The following CHST7 variants were observed in gnomAD, a reference collection of about 807,000 sequenced individuals.
The protein encoded by CHST7 is N-acetylglucosamine 6-O-sulfotransferase 4.
A neutral mutation model predicts 9.0 loss-of-function variants in CHST7; 5 were observed. The ratio of observed to expected loss-of-function variants is 0.56; its 90% CI spans 0.29 to 1.17. The LOEUF is 1.17. Ranked by LOEUF, CHST7 falls within the 50% of genes most tolerant of loss-of-function variation. CHST7 has a pLI of 0.08. For synonymous variants in CHST7, 244 were observed against 237.1 expected (o/e 1.03, Z -0.27); for missense variants, 377 against 485.1 (o/e 0.78, Z 2.09).
Position 46,575,439 on chromosome X carries a change from G to T in CHST7, c.*31+16G>T. On this transcript the variant is annotated intron_variant, in intron 1 of 1. Transcript: ENST00000276055. Reference sequence around the variant, plus strand: ...ACGGATCCGGGTAAGGTGGCCCGGGGCAAGGCAGGGACCGGGACTGGTCTT... The same window carrying T: ...ACGGATCCGGGTAAGGTGGCCCGGGTCAAGGCAGGGACCGGGACTGGTCTT... 9.9e-7 allele frequency: 1 copy of T among 1,008,397 alleles called. No homozygotes were observed. Among genetic ancestry groups the T allele is most frequent in the Non-Finnish European group, 1.3e-6 (1 of 798,333 alleles). 83.1% of individuals were successfully genotyped at this position (1,008,397 alleles called of 1,213,427 possible).
intron 1 of CHST7, among the ~76,000 whole-genome samples, chrX:46,576,300 C>A (rs1942499377): frequency 9.0e-6 from 1 of 110,569 alleles, no homozygotes; most frequent in East Asian, 2.8e-4. Context: ...TCAGCTTCCT[C>A]TAGTGTCGAC....
At chrX:46,595,415 A>G (rs1414537839) in intron 1 of CHST7, among the ~76,000 whole-genome samples, 1 of 112,556 alleles carries the variant, frequency 8.9e-6, no homozygotes, top group Admixed American at 9.4e-5. Context: ...AGAAAGGGGC[A>G]CATCACCTGG....
intron 1 of CHST7, among the ~76,000 whole-genome samples, chrX:46,578,898 AT>A (rs1942512431): frequency 9.0e-6 from 1 of 111,235 alleles, no homozygotes; most frequent in Non-Finnish European, 1.9e-5. Context: ...TGAACATTAC[AT>A]TTACATGAGG....
intron 1 of CHST7, among the ~76,000 whole-genome samples, chrX:46,587,487 G>A (rs986333382): frequency 5.4e-5 from 6 of 111,867 alleles, no homozygotes; most frequent in African/African-American, 1.9e-4. Context: ...CTAGCACCCC[G>A]TGCCACTGCC....
chrX:46,596,946 CAAA>C lies in CHST7; in HGVS notation c.*32-799_*32-797del, dbSNP rs55742299. On this transcript the variant is annotated intron_variant, in intron 1 of 1. Transcript: ENST00000276055. ...TGGGCAACAGAGTGAGACTCTGTCT[CAAA>C]AAAAAAAAAAAAAATTATAGAAAGG... Among the ~76,000 whole-genome samples, 544 of 86,875 alleles carry C rather than the reference CAAA, an allele frequency of 6.3e-3. 4 individuals are homozygous for C. The highest frequency in any genetic ancestry group is 0.041 in the South Asian group (73 of 1,801). 75.4% of individuals were successfully genotyped at this position (86,875 alleles called of 115,157 possible).
At chrX:46,589,242 G>A (rs918229474) in intron 1 of CHST7, among the ~76,000 whole-genome samples, 4 of 110,998 alleles carry the variant, frequency 3.6e-5, no homozygotes, top group African/African-American at 6.6e-5. Flanking sequence ...AGAAGAGTTG[G>A]GATCCGGATT....
chrX:46,595,962 A>C (rs769831983), intron 1 of CHST7, among the ~76,000 whole-genome samples: 22 of 109,938 alleles, frequency 2.0e-4, no homozygotes, highest in Non-Finnish European at 4.0e-4. Context: ...ACATGGTGAA[A>C]CCCTGTCTCT....
intron 1 of CHST7, among the ~76,000 whole-genome samples, chrX:46,576,488 G>A (rs1297108677): frequency 9.0e-6 from 1 of 111,495 alleles, no homozygotes; most frequent in Non-Finnish European, 1.9e-5. Context: ...ATGCTAAAGT[G>A]GGGCTTAAAC....
chrX:46,589,412 T>C (rs1942563616), intron 1 of CHST7, among the ~76,000 whole-genome samples: 1 of 110,265 alleles, frequency 9.1e-6, no homozygotes, highest in African/African-American at 3.3e-5. Flanking sequence ...TAGCCAGGTG[T>C]GGTGGCAGGC....
At chrX:46,586,982 G>A (rs1386896802) in intron 1 of CHST7, among the ~76,000 whole-genome samples, 2 of 110,895 alleles carry the variant, frequency 1.8e-5, no homozygotes, top group South Asian at 7.7e-4. Context: ...TGATCCACCC[G>A]CCTCGGCCTC....
intron 1 of CHST7, among the ~76,000 whole-genome samples, chrX:46,581,911 A>T (rs1197242494): frequency 8.9e-6 from 1 of 111,980 alleles, no homozygotes; most frequent in Non-Finnish European, 1.9e-5. Flanking sequence ...AGAATTTAAC[A>T]GGATAGAAGT....
chrX:46,582,339 G>A (rs1472999738), intron 1 of CHST7, among the ~76,000 whole-genome samples: 2 of 112,183 alleles, frequency 1.8e-5, no homozygotes, highest in Non-Finnish European at 3.8e-5. Flanking sequence ...ATTTTGAGAG[G>A]TAATGTTCTT....
chrX:46,574,186 C>G lies in CHST7; in HGVS notation c.255C>G (p.Phe85Leu). ...GGGGCGCGAACCAGTCTCCTCGGTT[C>G]CCAAGCAACCTCAGCGGCGCTGTCG... is the stretch of plus-strand genomic sequence containing the variant. ...EEGGANQSPR[F>L]PSNLSGAVGE... Residue 85 changes from phenylalanine to leucine, a missense_variant, in exon 1 of 2, where the codon TTC (phenylalanine) becomes TTG (leucine). By Grantham distance (22) the Phe-to-Leu change is conservative. Coordinates refer to ENST00000276055, the MANE Select transcript of CHST7 (RefSeq NM_019886.4). 8.4e-7 allele frequency: 1 copy of G among 1,196,106 alleles called. No individual in the cohort carries two copies. The highest frequency in any genetic ancestry group is 1.1e-6 in the Non-Finnish European group (1 of 886,478).
intron 1 of CHST7, among the ~76,000 whole-genome samples, chrX:46,597,115 G>GA (rs764472771): frequency 7.8e-4 from 87 of 111,420 alleles, no homozygotes; most frequent in Middle Eastern, 4.2e-3. Context: ...CACTCCATTA[G>GA]AAAATGTCAA....
At chrX:46,590,617 T>C (rs1942569258) in intron 1 of CHST7, among the ~76,000 whole-genome samples, 1 of 111,944 alleles carries the variant, frequency 8.9e-6, no homozygotes, top group African/African-American at 3.3e-5. Flanking sequence ...AGGAACACCT[T>C]ATATGTAGAT....
intron 1 of CHST7, among the ~76,000 whole-genome samples, chrX:46,585,295 C>CTTTTT (rs367597052): frequency 1.7e-4 from 4 of 23,308 alleles, no homozygotes; most frequent in Non-Finnish European, 2.5e-4. Flanking sequence ...CTTTTCTTTT[C>CTTTTT]TTTTTTTTTT....
intron 1 of CHST7, among the ~76,000 whole-genome samples, chrX:46,580,496 G>A (rs902692219): frequency 8.9e-6 from 1 of 111,966 alleles, no homozygotes; most frequent in African/African-American, 3.2e-5. Context: ...GTGTGTGTGC[G>A]CATGTGTGTG....
intron 1 of CHST7, among the ~76,000 whole-genome samples, chrX:46,581,896 A>G (rs1342246104): frequency 7.2e-5 from 8 of 111,878 alleles, no homozygotes; most frequent in Non-Finnish European, 1.3e-4. Context: ...CGCCCGGTCA[A>G]AAATAGAATT....
intron 1 of CHST7, among the ~76,000 whole-genome samples, chrX:46,583,798 G>A (rs1334751127): frequency 9.0e-6 from 1 of 111,470 alleles, no homozygotes; most frequent in Non-Finnish European, 1.9e-5. Flanking sequence ...TGTAGTCACC[G>A]TACTCTGCTA....
Sources: allele counts gnomAD v4.1 joint callset (sites outside exome capture counted in the v4.1 genomes callset), GRCh38; gene constraint gnomAD v4.1.1; transcripts MANE v1.5; gene names NCBI Gene and HGNC (gene_info 2026-07-23, HGNC 2026-07-21).